FGF13: variants seen among roughly 807,000 people sequenced by gnomAD.
FGF13 encodes fibroblast growth factor 13.
Under a neutral mutation model 19.5 loss-of-function variants are expected in FGF13, and 2 were observed. The observed-to-expected ratio is 0.10, with a 90% CI of 0.04 to 0.32. FGF13 has a LOEUF of 0.32. Among genes scored for constraint, FGF13 ranks in the 10% least tolerant of loss-of-function variants. The pLI, the probability that FGF13 is intolerant of heterozygous loss-of-function variation, is 1.00. For missense variants in FGF13, 113 were observed against 192.7 expected, an observed-to-expected ratio of 0.59 and a Z score of 2.45; for synonymous variants, 72 against 76.9, an observed-to-expected ratio of 0.94 and a Z score of 0.33.
At chrX:139,139,735 T>C (rs944898647) in intron 1 of FGF13, among the ~76,000 whole-genome samples, 2 of 111,969 alleles carry the variant, frequency 1.8e-5, no homozygotes, top group African/African-American at 6.5e-5. Flanking sequence ...TGCTAAGCAA[T>C]ATACTAGTTG....
At chrX:138,927,939 C>A (rs2091682573) in intron 1 of FGF13, among the ~76,000 whole-genome samples, 1 of 111,837 alleles carries the variant, frequency 8.9e-6, no homozygotes, top group East Asian at 2.8e-4. Context: ...CAAATATTTA[C>A]ATATAAAGCT....
At chrX:139,038,267 GCTTT>G (rs1346303342) in intron 1 of FGF13, among the ~76,000 whole-genome samples, 6 of 110,650 alleles carry the variant, frequency 5.4e-5, no homozygotes, top group African/African-American at 1.6e-4. Context: ...TCCTTTGTTG[GCTTT>G]CTTTAACTAT....
intron 1 of FGF13, among the ~76,000 whole-genome samples, chrX:139,171,808 T>C (rs987363317): frequency 8.9e-6 from 1 of 111,988 alleles, no homozygotes; most frequent in Non-Finnish European, 1.9e-5. Context: ...AATGAATGAA[T>C]AAGTTAGAAT....
intron 1 of FGF13, among the ~76,000 whole-genome samples, chrX:138,886,876 T>C (rs1003992064): frequency 1.8e-5 from 2 of 112,081 alleles, no homozygotes; most frequent in African/African-American, 6.5e-5. Flanking sequence ...CTGGATTCAA[T>C]AGTCACTTTT....
At chrX:139,174,655 C>A (rs2084164524) in intron 1 of FGF13, among the ~76,000 whole-genome samples, 2 of 111,928 alleles carry the variant, frequency 1.8e-5, no homozygotes, top group African/African-American at 6.5e-5. Flanking sequence ...AATAGGGAAT[C>A]CTTTCCCCAT....
chrX:139,072,791 T>C (rs1270272853), intron 1 of FGF13, among the ~76,000 whole-genome samples: 1 of 112,015 alleles, frequency 8.9e-6, no homozygotes, highest in Admixed American at 9.5e-5. Flanking sequence ...GGAGCTGTTA[T>C]CTATTTGAAT....
At chrX:138,874,083 A>G (rs1355295164) in intron 1 of FGF13, among the ~76,000 whole-genome samples, 1 of 105,966 alleles carries the variant, frequency 9.4e-6, no homozygotes, top group Non-Finnish European at 1.9e-5. Context: ...CAGCACACCA[A>G]CATGGTACAT....
At chrX:138,812,866 A>G (rs886125756) in intron 3 of FGF13, among the ~76,000 whole-genome samples, 1 of 110,107 alleles carries the variant, frequency 9.1e-6, no homozygotes, top group African/African-American at 3.3e-5. Flanking sequence ...ACCCTGTAAC[A>G]GGCCCTGGCG....
At chrX:138,998,753 A>G (rs1035469106) in intron 1 of FGF13, among the ~76,000 whole-genome samples, 1 of 111,516 alleles carries the variant, frequency 9.0e-6, no homozygotes, top group Non-Finnish European at 1.9e-5. Context: ...TTAACACCCC[A>G]CTGTCAACAT....
chrX:138,663,843 C>A (rs1602670873), intron 3 of FGF13, among the ~76,000 whole-genome samples: 1 of 111,101 alleles, frequency 9.0e-6, no homozygotes, highest in Middle Eastern at 4.6e-3. Context: ...AGGAGGGGGA[C>A]CATTTTAGTC....
At chrX:138,761,589 C>A (rs1602800640) in intron 3 of FGF13, among the ~76,000 whole-genome samples, 1 of 111,562 alleles carries the variant, frequency 9.0e-6, no homozygotes, top group East Asian at 2.8e-4. Flanking sequence ...CCCCATTGGA[C>A]TTGAAAGCAG....
chrX:139,100,820 CG>C (rs1432863074), intron 1 of FGF13, among the ~76,000 whole-genome samples: 4 of 111,033 alleles, frequency 3.6e-5, no homozygotes, highest in African/African-American at 1.3e-4. Context: ...ACAGGGAAAG[CG>C]GGATCACTAA....
chrX:138,920,580 A>G, intron 1 of FGF13, among the ~76,000 whole-genome samples: 1 of 111,877 alleles, frequency 8.9e-6, no homozygotes, highest in Admixed American at 9.5e-5. Context: ...CACTTTAGCA[A>G]CATCAAATCA....
chrX:139,021,022 T>G (rs1183793331), intron 1 of FGF13, among the ~76,000 whole-genome samples: 1 of 111,294 alleles, frequency 9.0e-6, no homozygotes, highest in African/African-American at 3.3e-5. Flanking sequence ...TGATGAAATA[T>G]ATTGTAAAAT....
chrX:138,768,755 A>ATATATATATATATATATATATATAT (rs1569388532), intron 3 of FGF13, among the ~76,000 whole-genome samples: 1 of 102,691 alleles, frequency 9.7e-6, no homozygotes, highest in African/African-American at 3.6e-5. Context: ...ATATATATAT[A>ATATATATATATATATATATATATAT]ATTTCACAAG....
intron 1 of FGF13, among the ~76,000 whole-genome samples, chrX:139,078,235 C>T (rs2083345283): frequency 9.1e-6 from 1 of 109,363 alleles, no homozygotes; most frequent in African/African-American, 3.3e-5. Context: ...ATAACCCATC[C>T]ATGTGAATCA....
intron 1 of FGF13, among the ~76,000 whole-genome samples, chrX:139,052,548 T>C (rs772607619): frequency 1.8e-5 from 2 of 112,197 alleles, no homozygotes; most frequent in South Asian, 3.7e-4. Context: ...TGCCCTTGTT[T>C]GATGAGATGA....
chrX:139,112,352 C>G (rs2083608861), intron 1 of FGF13, among the ~76,000 whole-genome samples: 1 of 111,066 alleles, frequency 9.0e-6, no homozygotes, highest in Non-Finnish European at 1.9e-5. Context: ...CATTAACCAT[C>G]AAGTTACCCT....
intron 3 of FGF13, among the ~76,000 whole-genome samples, chrX:138,753,732 T>C (rs2090413177): frequency 8.9e-6 from 1 of 112,186 alleles, no homozygotes; most frequent in Non-Finnish European, 1.9e-5. Flanking sequence ...AGGATTGAGA[T>C]GTGTCCTGGC....
Sources: gnomAD v4.1 joint callset for allele counts (sites outside exome capture counted in the v4.1 genomes callset) on GRCh38, gnomAD v4.1.1 for gene constraint, MANE v1.5 for transcripts, NCBI Gene and HGNC (gene_info 2026-07-23, HGNC 2026-07-21) for gene names.